The following CHID1 variants were observed in gnomAD, a reference collection of about 807,000 sequenced individuals.
CHID1 encodes chitinase domain-containing protein 1.
In CHID1, 44 loss-of-function variants were observed where a neutral mutation model predicts 55.4. The observed-to-expected ratio is 0.79, with a 90% CI of 0.62 to 1.02. CHID1 has a LOEUF of 1.02. Among genes scored for constraint, CHID1 ranks in the 50% least tolerant of loss-of-function variants. The pLI is 0.00. For synonymous variants in CHID1, 216 were observed against 212.9 expected, an observed-to-expected ratio of 1.01 and a Z score of -0.13; for missense variants, 491 against 515.3, an observed-to-expected ratio of 0.95 and a Z score of 0.46.
chr11:873,524 G>A (rs1849308935), intron 10 of CHID1, among the ~76,000 whole-genome samples: 1 of 152,132 alleles, frequency 6.6e-6, no homozygotes, highest in African/African-American at 2.4e-5. Flanking sequence ...AGAGAGGGCA[G>A]GGGAAGGTGA....
chr11:896,741 C>G (rs1224514264), intron 7 of CHID1, among the ~76,000 whole-genome samples: 2 of 143,606 alleles, frequency 1.4e-5, no homozygotes, highest in Non-Finnish European at 3.1e-5. Flanking sequence ...GCTGTCTCAG[C>G]ACCCCTAGCC....
chr11:914,456 G>T, upstream of CHID1: 1 of 1,126,234 alleles, frequency 8.9e-7, no homozygotes, highest in Non-Finnish European at 1.2e-6. Flanking sequence ...GTGGGGTGAG[G>T]AGGCCTGCAG....
At chr11:885,754 G>A (rs372923097) in intron 8 of CHID1, among the ~76,000 whole-genome samples, 14 of 152,176 alleles carry the variant, frequency 9.2e-5, no homozygotes, top group African/African-American at 3.4e-4. Flanking sequence ...TCTGAGATGG[G>A]GTCTCTATGT....
At chr11:870,925 G>A (rs1849135651) in intron 10 of CHID1, among the ~76,000 whole-genome samples, 1 of 151,926 alleles carries the variant, frequency 6.6e-6, no homozygotes, top group Non-Finnish European at 1.5e-5. Context: ...GATGGGCAGT[G>A]CCTCGTACTG....
chr11:906,801 G>C (rs1852253987), intron 1 of CHID1, among the ~76,000 whole-genome samples: 2 of 152,148 alleles, frequency 1.3e-5, no homozygotes, highest in South Asian at 4.1e-4. Context: ...GGCCAAGGCA[G>C]GCAGATCACC....
chr11:886,846 C>T (rs1246714980), intron 8 of CHID1, among the ~76,000 whole-genome samples: 2 of 152,184 alleles, frequency 1.3e-5, no homozygotes, highest in African/African-American at 2.4e-5. Flanking sequence ...TCGGTTCCAT[C>T]CCAGCCTGGC....
At chr11:908,982 C>T (rs1048110625) in intron 1 of CHID1, among the ~76,000 whole-genome samples, 2 of 152,244 alleles carry the variant, frequency 1.3e-5, no homozygotes, top group Admixed American at 1.3e-4. Flanking sequence ...GGTACTGCCT[C>T]TGTCCACTCG....
At chr11:914,523 C>G, upstream of CHID1, 1 of 1,289,028 alleles carries the variant, frequency 7.8e-7, no homozygotes, top group South Asian at 1.2e-5. Context: ...CATGCCTTAC[C>G]TGGGATATTC....
At chr11:870,018 C>A (rs1208321230) in intron 12 of CHID1, 62 bp from the exon 13 acceptor site, 1 of 1,606,976 alleles carries the variant, frequency 6.2e-7, no homozygotes. Flanking sequence ...CCAGGGATGT[C>A]CTCCAGGCCG....
chr11:903,046 A>G lies in CHID1; in HGVS notation c.177T>C (p.Ser59=). 1 of 1,613,296 alleles carries G rather than the reference A, an allele frequency of 6.2e-7. No homozygotes were observed. Among genetic ancestry groups the G allele is most frequent in the Non-Finnish European group, 8.5e-7 (1 of 1,179,862 alleles). Residue 59 remains serine (S), a synonymous_variant, in exon 3 of 13, where the codon AGT becomes AGC. Coordinates refer to ENST00000323578, the MANE Select transcript of CHID1 (RefSeq NM_023947.4). ...GLVVTDLKAE[S]VVLEHRSYCS... Reference sequence around the variant, plus strand: ...AGTAGCTGCGATGCTCAAGAACCACACTCTCAGCTTTGAGGTCCGTCACCA... The same window carrying G: ...AGTAGCTGCGATGCTCAAGAACCACGCTCTCAGCTTTGAGGTCCGTCACCA...
upstream of CHID1, chr11:914,470 T>G: frequency 2.7e-4 from 329 of 1,208,478 alleles, no homozygotes; most frequent in Non-Finnish European, 3.2e-4. Flanking sequence ...CCTGCAGAGA[T>G]GAGTGTTTCT....
At chr11:899,533 G>C in intron 6 of CHID1, 132 bp from the exon 7 acceptor site, 1 of 783,182 alleles carries the variant, frequency 1.3e-6, no homozygotes, top group South Asian at 1.6e-5. Flanking sequence ...ACCCAAGCCT[G>C]GGCTGTATGC....
rs1287615876 is a variant in CHID1 at position 875,692 on chromosome 11, T to C, written c.960-5193A>G. On this transcript the variant is annotated intron_variant, in intron 10 of 12. Coordinates refer to ENST00000323578, the MANE Select transcript of CHID1 (RefSeq NM_023947.4). This position sits in a 1 kb window ranked among gnomAD's most constrained non-coding sequence, Gnocchi z 4.7. ...CGCCACACCATTCTATGCACTTCTATGCTTGAAGATTCTCACAGTAAAAGA... is the reference window on the plus strand; with the variant it reads ...CGCCACACCATTCTATGCACTTCTACGCTTGAAGATTCTCACAGTAAAAGA... Among the ~76,000 whole-genome samples the C allele has an allele frequency of 1.3e-5, 2 of 152,128 alleles. No homozygotes were observed. Among genetic ancestry groups the C allele is most frequent in the African/African-American group, 4.8e-5 (2 of 41,408 alleles).
At chr11:891,113 G>A (rs1375547887) in intron 8 of CHID1, among the ~76,000 whole-genome samples, 1 of 151,368 alleles carries the variant, frequency 6.6e-6, no homozygotes, top group Non-Finnish European at 1.5e-5. Context: ...ATAAACAGAT[G>A]ACAAAACAGC....
At chr11:914,617 C>T (rs1008951120), upstream of CHID1, 5 of 1,261,470 alleles carry the variant, frequency 4.0e-6, no homozygotes, top group South Asian at 1.2e-5. Context: ...GCCGTAATCC[C>T]AGCACTTCGG....
chr11:888,967 G>C (rs182303906), intron 8 of CHID1, among the ~76,000 whole-genome samples: 7 of 152,192 alleles, frequency 4.6e-5, no homozygotes, highest in Non-Finnish European at 8.8e-5. Context: ...GGCTGGACGC[G>C]CTCTGCTCTT....
chr11:872,135 C>G (rs113933217), intron 10 of CHID1, among the ~76,000 whole-genome samples: 1,598 of 152,298 alleles, frequency 0.01, 32 homozygotes, highest in African/African-American at 0.036. Context: ...GGCAGCCTCC[C>G]CAACCCAGAC....
At chr11:900,667 G>A (rs976108304) in intron 5 of CHID1, among the ~76,000 whole-genome samples, 5 of 152,138 alleles carry the variant, frequency 3.3e-5, no homozygotes, top group Admixed American at 1.3e-4. Flanking sequence ...GAAGAAATGG[G>A]ATTGAGAACA....
intron 7 of CHID1, among the ~76,000 whole-genome samples, chr11:897,373 G>A (rs1851442407): frequency 1.3e-5 from 2 of 152,250 alleles, no homozygotes; most frequent in Admixed American, 1.3e-4. Flanking sequence ...GGAAATGAGT[G>A]TGGCAAATCT....
Sources: gnomAD v4.1 joint callset for allele counts (sites outside exome capture counted in the v4.1 genomes callset) on GRCh38, gnomAD v4.1.1 for gene constraint, Gnocchi (gnomAD v3.1) non-coding constraint, MANE v1.5 for transcripts, NCBI Gene and HGNC (gene_info 2026-07-23, HGNC 2026-07-21) for gene names.